The following CREBRF variants were observed in gnomAD, a reference collection of about 807,000 sequenced individuals.
The protein encoded by CREBRF is CREB3 regulatory factor, also known as UPF0474 protein C5orf41.
CREBRF carries 5 observed loss-of-function variants against 66.1 expected under a neutral mutation model. That is an observed-to-expected ratio of 0.08 (90% CI 0.04 to 0.16). The LOEUF is 0.16. Among genes scored for constraint, CREBRF ranks in the 10% least tolerant of loss-of-function variants. CREBRF has a pLI of 1.00. For synonymous variants in CREBRF, 229 were observed against 264.4 expected (o/e 0.87, Z 1.30); for missense variants, 531 against 744.9 (o/e 0.71, Z 3.34).
At chr5:173,115,645 G>GTTT (rs200060998) in intron 7 of CREBRF, among the ~76,000 whole-genome samples, 1 of 148,512 alleles carries the variant, frequency 6.7e-6, no homozygotes. Flanking sequence ...GTTTTGCTTT[G>GTTT]TTTTTTTTTT....
intron 4 of CREBRF, among the ~76,000 whole-genome samples, chr5:173,102,535 A>G (rs1355011773): frequency 6.6e-6 from 1 of 152,046 alleles, no homozygotes; most frequent in African/African-American, 2.4e-5. Flanking sequence ...GGTGCCTGGT[A>G]CTGTGGAAGC....
chr5:173,131,844 T>C (rs1316515205), intron 8 of CREBRF, among the ~76,000 whole-genome samples: 1 of 152,130 alleles, frequency 6.6e-6, no homozygotes, highest in East Asian at 1.9e-4. Flanking sequence ...GTGGTTCTCC[T>C]ATCTCAGCCT....
At chr5:173,125,406 T>A (rs536431823) in intron 8 of CREBRF, among the ~76,000 whole-genome samples, 35 of 152,346 alleles carry the variant, frequency 2.3e-4, no homozygotes, top group African/African-American at 7.9e-4. Context: ...TTTTCTTTAA[T>A]GTCTTTTATT....
intron 1 of CREBRF, among the ~76,000 whole-genome samples, chr5:173,073,345 G>A (rs894619175): frequency 2.0e-5 from 3 of 152,214 alleles, no homozygotes; most frequent in Non-Finnish European, 4.4e-5. Context: ...TTACCTAGAT[G>A]TTTTATCAAA....
At chr5:173,085,450 CT>C in intron 2 of CREBRF, 1 of 700,784 alleles carries the variant, frequency 1.4e-6, no homozygotes, top group South Asian at 1.7e-5. Context: ...GAGTTTCGCT[CT>C]TGTTGCCCAG....
intron 2 of CREBRF, among the ~76,000 whole-genome samples, chr5:173,081,750 T>C (rs1757949617): frequency 6.6e-6 from 1 of 152,018 alleles, no homozygotes; most frequent in Admixed American, 6.6e-5. Context: ...TGAAACCCTG[T>C]CTTTACTAAA....
chr5:173,113,295 A>AAGATTATTCTTTTTTTTTTTTTC (rs1397660456), intron 7 of CREBRF, among the ~76,000 whole-genome samples: 1 of 150,272 alleles, frequency 6.7e-6, no homozygotes, highest in Non-Finnish European at 1.5e-5. Flanking sequence ...GCACCCAGCC[A>AAGATTATTCTTTTTTTTTTTTTC]AGATTATTCT....
chr5:173,093,836 C>T (rs558528994), intron 4 of CREBRF, among the ~76,000 whole-genome samples: 1 of 152,290 alleles, frequency 6.6e-6, no homozygotes, highest in Admixed American at 6.5e-5. Context: ...TATCTGTAGT[C>T]ACAATGCTGT....
intron 1 of CREBRF, among the ~76,000 whole-genome samples, chr5:173,058,476 A>G (rs1409032395): frequency 3.3e-5 from 5 of 151,558 alleles, no homozygotes; most frequent in Non-Finnish European, 7.4e-5. Flanking sequence ...TAACTGATTC[A>G]TCAATTTTTT....
At chr5:173,097,792 T>C (rs1229000518) in intron 4 of CREBRF, among the ~76,000 whole-genome samples, 1 of 152,132 alleles carries the variant, frequency 6.6e-6, no homozygotes, top group Non-Finnish European at 1.5e-5. Flanking sequence ...TTAATTTAGC[T>C]AAAAGATTGT....
chr5:173,062,968 C>T (rs980103593), intron 1 of CREBRF, among the ~76,000 whole-genome samples: 4 of 151,854 alleles, frequency 2.6e-5, no homozygotes, highest in African/African-American at 9.7e-5. Context: ...GGGATGGTCT[C>T]GATCTCCTGA....
At chr5:173,123,277 G>C (rs2113795849) in intron 8 of CREBRF, 75 bp downstream of exon 8, 1 of 1,437,366 alleles carries the variant, frequency 7.0e-7, no homozygotes, top group South Asian at 1.4e-5. Flanking sequence ...GATATTAAAA[G>C]TTCTTTTAGT....
In CREBRF at chr5:173,080,607, TA is replaced by T; in HGVS notation, c.-161del. The T allele has an allele frequency of 1.1e-5, 7 of 614,660 alleles. No homozygotes were observed. The highest frequency in any genetic ancestry group is 2.2e-5 in the South Asian group (1 of 45,916). The allele number at this position is 614,660 out of a possible 1,614,324, so 38.1% of individuals were successfully genotyped here. On this transcript the variant is annotated 5_prime_UTR_variant, in exon 2 of 9. Coordinates refer to ENST00000296953, the MANE Select transcript of CREBRF (RefSeq NM_153607.3). ...CAGACAGCATCGCACAGAATTATTT[TA>T]AAAAAAAGCAGTGATCCAAGCAATT...
In CREBRF at chr5:173,137,335, TC is replaced by T. The variant is rs1188873955; in HGVS notation, c.*3593del. 6.6e-6 allele frequency: 1 copy of T among 152,096 alleles called. No individual in the cohort carries two copies. The highest frequency in any genetic ancestry group is 1.5e-5 in the Non-Finnish European group (1 of 67,950). The allele number at this position is 152,096 out of a possible 1,614,324, so 9.4% of individuals were successfully genotyped here. A position where few individuals can be genotyped will look rare whatever the true frequency, so the allele number is the denominator to read the frequency against. On this transcript the variant is annotated 3_prime_UTR_variant, in exon 9 of 9. Coordinates refer to ENST00000296953, the MANE Select transcript of CREBRF (RefSeq NM_153607.3). The stretch of plus-strand genomic sequence containing the variant: ...ATTTCAGATGGGTATGGTTTCAAAT[TC>T]CCTCTCTTTATAGTTATTTTATATT...
At position 173,098,404 on chromosome 5, in the gene CREBRF, G is replaced by A. The variant is rs557467938; in HGVS notation, c.1222+7003G>A. Among the ~76,000 whole-genome samples, 20 of 152,124 alleles carry A rather than the reference G, an allele frequency of 1.3e-4. No homozygotes were observed. In the South Asian group the frequency reaches 4.2e-3, roughly 32 times the overall value. On this transcript the variant is annotated intron_variant, in intron 4 of 8. Transcript: ENST00000296953. The stretch of plus-strand genomic sequence containing the variant: ...GGGTTTCATTGTGTTAGCCAGGATG[G>A]TCTCAATTTCCTTCTGATTTCCTTC...
At chr5:173,096,056 G>A (rs1758468977) in intron 4 of CREBRF, among the ~76,000 whole-genome samples, 3 of 151,816 alleles carry the variant, frequency 2.0e-5, no homozygotes, top group Admixed American at 6.6e-5. Flanking sequence ...TGCAAACTCC[G>A]CCTCCCGGGT....
At chr5:173,074,197 A>T (rs1757683383) in intron 1 of CREBRF, among the ~76,000 whole-genome samples, 1 of 151,128 alleles carries the variant, frequency 6.6e-6, no homozygotes, top group African/African-American at 2.4e-5. Context: ...ACTACTTGGG[A>T]GGCTGAGGCA....
At chr5:173,058,721 G>C (rs1406277610) in intron 1 of CREBRF, among the ~76,000 whole-genome samples, 1 of 148,906 alleles carries the variant, frequency 6.7e-6, no homozygotes, top group African/African-American at 2.5e-5. Context: ...TCCTGACTTC[G>C]TGATCCGCCC....
intron 8 of CREBRF, among the ~76,000 whole-genome samples, chr5:173,128,993 G>A (rs1321194582): frequency 6.6e-6 from 1 of 151,618 alleles, no homozygotes; most frequent in Non-Finnish European, 1.5e-5. Context: ...TGTTAGCCAG[G>A]ATGGTCTCGA....
Sources: gnomAD v4.1 joint callset for allele counts (sites outside exome capture counted in the v4.1 genomes callset) on GRCh38, gnomAD v4.1.1 for gene constraint, MANE v1.5 for transcripts, NCBI Gene and HGNC (gene_info 2026-07-23, HGNC 2026-07-21) for gene names.